Variants in ERICH3 observed in about 807,000 individuals in gnomAD.
ERICH3 encodes the protein glutamate rich 3.
ERICH3 carries 126 observed loss-of-function variants against 131.1 expected under a neutral mutation model. The ratio of observed to expected loss-of-function variants is 0.96; its 90% CI spans 0.83 to 1.11. The LOEUF is 1.11. Among genes scored for constraint, ERICH3 ranks in the 50% most tolerant of loss-of-function variants. The pLI, the probability that ERICH3 is intolerant of heterozygous loss-of-function variation, is 0.00. For synonymous variants in ERICH3, 695 were observed against 644.6 expected, an observed-to-expected ratio of 1.08 and a Z score of -1.18; for missense variants, 2,050 against 1,810.7, an observed-to-expected ratio of 1.13 and a Z score of -2.40.
chr1:74,609,618 C>A (rs919582386), intron 9 of ERICH3, among the ~76,000 whole-genome samples: 20 of 152,108 alleles, frequency 1.3e-4, no homozygotes, highest in Middle Eastern at 3.4e-3. Flanking sequence ...AACCCTGTAC[C>A]ATTTAAACCA....
intron 3 of ERICH3, among the ~76,000 whole-genome samples, chr1:74,645,790 C>T (rs2100638854): frequency 6.6e-6 from 1 of 152,142 alleles, no homozygotes; most frequent in Admixed American, 6.6e-5. Context: ...TCATACACAT[C>T]TTAAGTGAAC....
intron 10 of ERICH3, among the ~76,000 whole-genome samples, chr1:74,605,627 C>A (rs1187354498): frequency 1.3e-5 from 2 of 151,284 alleles, no homozygotes; most frequent in African/African-American, 4.9e-5. Flanking sequence ...CAGAGAAGAC[C>A]AAGCAGAGGG....
intron 7 of ERICH3, among the ~76,000 whole-genome samples, chr1:74,626,511 G>C (rs1052078924): frequency 4.6e-5 from 7 of 152,200 alleles, no homozygotes; most frequent in Admixed American, 3.9e-4. Flanking sequence ...CTTTGTTATT[G>C]GTTTCTAAAA....
intron 8 of ERICH3, among the ~76,000 whole-genome samples, chr1:74,619,671 A>G (rs527398637): frequency 6.6e-6 from 1 of 152,278 alleles, no homozygotes. Flanking sequence ...TTCCTCAACT[A>G]CAAAACAAAA....
chr1:74,599,940 G>C lies in ERICH3; in HGVS notation c.1490-9C>G. The C allele has an allele frequency of 6.3e-7, 1 of 1,582,860 alleles. No individual in the cohort carries two copies. Among genetic ancestry groups the C allele is most frequent in the Non-Finnish European group, 8.6e-7 (1 of 1,160,864 alleles). On this transcript the variant is annotated splice_polypyrimidine_tract_variant and intron_variant, in intron 10 of 14. Transcript: ENST00000326665. ...AAAGTCTTCTTCATACTCTGAAATA[G>C]GAAAATCTCCACTATAAGAATGAAA...
intron 1 of ERICH3, among the ~76,000 whole-genome samples, chr1:74,651,698 T>A (rs982949725): frequency 6.6e-6 from 1 of 152,004 alleles, no homozygotes; most frequent in Non-Finnish European, 1.5e-5. Context: ...CAGGCTCAAG[T>A]TTTTTCTTAA....
At chr1:74,670,816 C>T (rs1264788685) in intron 1 of ERICH3, among the ~76,000 whole-genome samples, 1 of 152,134 alleles carries the variant, frequency 6.6e-6, no homozygotes, top group Non-Finnish European at 1.5e-5. Context: ...TTGTAGAGAG[C>T]CTACAAATGG....
chr1:74,573,609 G>T (rs1647000476), intron 13 of ERICH3, 118 bp from the exon 14 acceptor site: 11 of 1,193,674 alleles, frequency 9.2e-6, no homozygotes, highest in Non-Finnish European at 1.1e-5. Flanking sequence ...GATATCAAGA[G>T]GCCATTGTAT....
chr1:74,596,914 T>A (rs1393364364), intron 11 of ERICH3, among the ~76,000 whole-genome samples: 1 of 152,054 alleles, frequency 6.6e-6, no homozygotes, highest in Non-Finnish European at 1.5e-5. Context: ...GACACAATTG[T>A]TAGCTGGCAG....
intron 5 of ERICH3, among the ~76,000 whole-genome samples, chr1:74,640,307 T>C (rs936537492): frequency 6.6e-6 from 1 of 152,166 alleles, no homozygotes; most frequent in African/African-American, 2.4e-5. Context: ...TATACATATA[T>C]ATTCAAATCA....
chr1:74,629,244 C>G (rs571600399), intron 7 of ERICH3, among the ~76,000 whole-genome samples: 4 of 150,766 alleles, frequency 2.7e-5, no homozygotes, highest in African/African-American at 9.7e-5. Flanking sequence ...AAAAAAAAAA[C>G]CTCTCAGCAA....
At chr1:74,595,772 A>G (rs1191629636) in intron 11 of ERICH3, among the ~76,000 whole-genome samples, 1 of 152,090 alleles carries the variant, frequency 6.6e-6, no homozygotes, top group Non-Finnish European at 1.5e-5. Context: ...ACATTTAAGT[A>G]TTCACCTGAA....
At chr1:74,593,707 C>T (rs767169287) in intron 11 of ERICH3, among the ~76,000 whole-genome samples, 9 of 152,080 alleles carry the variant, frequency 5.9e-5, no homozygotes, top group Non-Finnish European at 1.5e-5. Context: ...TGACATAGCA[C>T]TTTACAAACA....
chr1:74,674,034 A>T (rs1292763666), upstream of ERICH3, among the ~76,000 whole-genome samples: 3 of 152,214 alleles, frequency 2.0e-5, no homozygotes, highest in Non-Finnish European at 2.9e-5. Context: ...TGAGGGTAAT[A>T]AGAGCAGGGA....
chr1:74,620,825 A>T lies in ERICH3; in HGVS notation c.909T>A (p.Asp303Glu). The T allele has an allele frequency of 6.2e-7, 1 of 1,613,508 alleles. No homozygotes were observed. The highest frequency in any genetic ancestry group is 2.2e-5 in the East Asian group (1 of 44,808). Residue 303 changes from aspartate (D) to glutamate (E), a missense_variant, in exon 8 of 15, where the codon GAT becomes GAA. By Grantham distance (45) the Asp-to-Glu change is conservative (BLOSUM62 2). Coordinates refer to ENST00000326665, the MANE Select transcript of ERICH3 (RefSeq NM_001002912.5). ...YLGKNVHLSS[D>E]NPDFRDEIKV... ...TAATTTCATCCCGGAAGTCAGGATT[A>T]TCAGAAGATAGGTGCACATTTTTCC...
At chr1:74,644,688 A>G (rs1238688670) in intron 3 of ERICH3, among the ~76,000 whole-genome samples, 1 of 151,958 alleles carries the variant, frequency 6.6e-6, no homozygotes, top group Non-Finnish European at 1.5e-5. Context: ...TGCGTCTCCC[A>G]GCATTACCAC....
chr1:74,620,317 T>C (rs909701128), intron 8 of ERICH3, among the ~76,000 whole-genome samples: 4 of 152,208 alleles, frequency 2.6e-5, no homozygotes, highest in Non-Finnish European at 5.9e-5. Flanking sequence ...CTGCAGTTTA[T>C]TGGATTTGTG....
At chr1:74,594,485 C>A (rs2100569340) in intron 11 of ERICH3, among the ~76,000 whole-genome samples, 1 of 152,230 alleles carries the variant, frequency 6.6e-6, no homozygotes, top group South Asian at 2.1e-4. Flanking sequence ...TTCCTTCCAA[C>A]TTACATAGAT....
rs749890836 is a variant in ERICH3, at chr1:74,573,413, G to GT, written c.2296dup (p.Thr766AsnfsTer14). On this transcript the variant is annotated frameshift_variant, in exon 14 of 15. Coordinates refer to ENST00000326665, the MANE Select transcript of ERICH3 (RefSeq NM_001002912.5). LOFTEE classifies it high-confidence loss of function. ...TGCTTCTTTCTTCTCCAGTGTATACGTTTTTTGCACCAATTGCTGGGATTC... is the reference window on the plus strand; with the variant it reads ...TGCTTCTTTCTTCTCCAGTGTATACGTTTTTTTGCACCAATTGCTGGGATTC... The GT allele has an allele frequency of 3.8e-6, 6 of 1,584,972 alleles. No homozygotes were observed. Among genetic ancestry groups the GT allele is most frequent in the South Asian group, 2.3e-5 (2 of 85,770 alleles).
Sources: allele counts gnomAD v4.1 joint callset (sites outside exome capture counted in the v4.1 genomes callset), GRCh38; gene constraint gnomAD v4.1.1; transcripts MANE v1.5; gene names NCBI Gene and HGNC (gene_info 2026-07-23, HGNC 2026-07-21).